RABGEF1: variants seen among roughly 807,000 people sequenced by gnomAD.
The protein encoded by RABGEF1 is RAB guanine nucleotide exchange factor 1, also known as rab5 GDP/GTP exchange factor.
Under a neutral mutation model 57.3 loss-of-function variants are expected in RABGEF1, and 26 were observed. The observed-to-expected ratio is 0.45, with a 90% CI of 0.33 to 0.63. The LOEUF (loss-of-function observed/expected upper bound fraction) is 0.63, where lower values mean the gene tolerates loss of function less well. Among genes scored for constraint, RABGEF1 ranks in the 20% least tolerant of loss-of-function variants. The probability of loss-of-function intolerance (pLI) is 0.02; values close to 1 mark genes in which losing one functional copy is unlikely to be tolerated. For synonymous variants in RABGEF1, 185 were observed against 210.7 expected (o/e 0.88, Z 1.06); for missense variants, 464 against 607.6 (o/e 0.76, Z 2.48).
chr7:66,729,912 C>T (rs531133383), intron 2 of RABGEF1, among the ~76,000 whole-genome samples: 2 of 152,344 alleles, frequency 1.3e-5, no homozygotes, highest in African/African-American at 2.4e-5. Context: ...CCAATGCCTG[C>T]GGATCTGTGG....
intron 4 of RABGEF1, among the ~76,000 whole-genome samples, chr7:66,785,233 T>G (rs1810882922): frequency 6.6e-6 from 1 of 152,240 alleles, no homozygotes; most frequent in Admixed American, 6.5e-5. Flanking sequence ...ATCACTAGTT[T>G]ATATCAGAGA....
At chr7:66,737,525 G>A (rs1181368107), upstream of RABGEF1, among the ~76,000 whole-genome samples, 2 of 151,990 alleles carry the variant, frequency 1.3e-5, no homozygotes, top group Non-Finnish European at 2.9e-5. Context: ...AAGGAGGCAT[G>A]GTGTGTAGCA....
At chr7:66,760,000 A>G (rs1803849184) in intron 1 of RABGEF1, among the ~76,000 whole-genome samples, 1 of 152,240 alleles carries the variant, frequency 6.6e-6, no homozygotes, top group Non-Finnish European at 1.5e-5. Flanking sequence ...GTGGTTCAGT[A>G]CCGTAACCAT....
chr7:66,742,449 G>A (rs182389828), intron 1 of RABGEF1, among the ~76,000 whole-genome samples: 44 of 152,270 alleles, frequency 2.9e-4, no homozygotes, highest in South Asian at 4.2e-4. Context: ...GGAAGGAGCC[G>A]GGCATTTAGG....
upstream of RABGEF1, among the ~76,000 whole-genome samples, chr7:66,680,960 A>G (rs192537807): frequency 1.3e-3 from 201 of 152,226 alleles, 1 homozygote; most frequent in African/African-American, 4.5e-3. Flanking sequence ...GCGGGCGCCT[A>G]TAATTCCGGC....
chr7:66,729,014 G>C lies in RABGEF1; in HGVS notation c.-814-10982G>C, dbSNP rs58347342. Among the ~76,000 whole-genome samples, 16 of 149,088 alleles carry C rather than the reference G, an allele frequency of 1.1e-4. 1 individual carries two copies. Among genetic ancestry groups the C allele is most frequent in the Admixed American group, 1.1e-3 (16 of 14,918 alleles). The stretch of plus-strand genomic sequence containing the variant: ...CACCCAGGCTGGAGTGCAGTGGCGC[G>C]ATCTCGACTCACTGCAACCTCTGCC... On this transcript the variant is annotated intron_variant and NMD_transcript_variant, in intron 2 of 9. Coordinates refer to the RABGEF1 transcript ENST00000607882.
Position 66,724,293 on chromosome 7 carries a change from A to G in RABGEF1, c.-815+12069A>G, listed in dbSNP as rs370945392. On this transcript the variant is annotated intron_variant and NMD_transcript_variant, in intron 2 of 9. Transcript: ENST00000607882. ...GGCTGCTTTTAAGATTTTTCTCTTT[A>G]TTTTTGGTATTCAGCAACTTGATTG... Among the ~76,000 whole-genome samples the G allele has an allele frequency of 7.3e-5, 11 of 151,232 alleles. No individual in the cohort carries two copies. The East Asian group carries it at 1.2e-3, about 16-fold the overall frequency.
intron 2 of RABGEF1, among the ~76,000 whole-genome samples, chr7:66,731,933 CCT>C (rs1170228913): frequency 1.3e-5 from 2 of 152,184 alleles, no homozygotes; most frequent in Admixed American, 6.5e-5. Context: ...ACAGAAGCCC[CCT>C]GTCTCCATCC....
At chr7:66,656,532 GTC>G in the RABGEF1 span, among the ~76,000 whole-genome samples, 2 of 152,114 alleles carry the variant, frequency 1.3e-5, no homozygotes, top group South Asian at 2.1e-4. Context: ...GTTAAAATGG[GTC>G]TCTCTGGCTG....
chr7:66,750,566 T>A (rs1801179688), intron 1 of RABGEF1, among the ~76,000 whole-genome samples: 1 of 152,226 alleles, frequency 6.6e-6, no homozygotes, highest in African/African-American at 2.4e-5. Flanking sequence ...AATACTTCTG[T>A]CTAGTAACTC....
intron 1 of RABGEF1, among the ~76,000 whole-genome samples, chr7:66,710,692 T>C (rs796610973): frequency 1.5e-4 from 23 of 152,382 alleles, no homozygotes; most frequent in African/African-American, 5.5e-4. Context: ...GAGAAATGTC[T>C]GTTTAATTTT....
intron 1 of RABGEF1, among the ~76,000 whole-genome samples, chr7:66,710,283 T>A (rs1181805962): frequency 6.6e-6 from 1 of 152,254 alleles, no homozygotes; most frequent in Non-Finnish European, 1.5e-5. Context: ...CCGTTCATCT[T>A]GTTGATGGAC....
At chr7:66,754,987 A>C (rs535394346) in intron 1 of RABGEF1, among the ~76,000 whole-genome samples, 20 of 152,084 alleles carry the variant, frequency 1.3e-4, no homozygotes, top group South Asian at 1.2e-3. Flanking sequence ...CCAGCCTGGG[A>C]AATATAGCTA....
At chr7:66,750,593 C>A (rs1216648692) in intron 1 of RABGEF1, among the ~76,000 whole-genome samples, 1 of 152,154 alleles carries the variant, frequency 6.6e-6, no homozygotes, top group Non-Finnish European at 1.5e-5. Context: ...TTAAAAGATA[C>A]ATATTTTTCT....
At chr7:66,749,439 A>G (rs1485908680) in intron 1 of RABGEF1, among the ~76,000 whole-genome samples, 1 of 152,248 alleles carries the variant, frequency 6.6e-6, no homozygotes, top group Non-Finnish European at 1.5e-5. Flanking sequence ...TTCCTCAAAA[A>G]GGAGTTGGGC....
chr7:66,694,598 G>A (rs965856837), intron 1 of RABGEF1, among the ~76,000 whole-genome samples: 3 of 152,258 alleles, frequency 2.0e-5, no homozygotes, highest in Non-Finnish European at 4.4e-5. Context: ...TGGAGAACCA[G>A]CTGGAGGGGC....
In RABGEF1 at chr7:66,722,833, G is replaced by A. The variant is rs74744540; in HGVS notation, c.-815+10609G>A. Among the ~76,000 whole-genome samples, 127 of 152,262 alleles carry A rather than the reference G, an allele frequency of 8.3e-4. 4 individuals carry two copies. In the East Asian group the frequency reaches 0.023, roughly 28 times the overall value. ...GTCACTTTCTACAACAGGCAGCTGA[G>A]ATTTTGATAAGGATTACACTGAATC... On this transcript the variant is annotated intron_variant and NMD_transcript_variant, in intron 2 of 9. Coordinates refer to the RABGEF1 transcript ENST00000607882.
At chr7:66,769,209 C>T (rs1806474918) in intron 1 of RABGEF1, among the ~76,000 whole-genome samples, 1 of 152,176 alleles carries the variant, frequency 6.6e-6, no homozygotes, top group Non-Finnish European at 1.5e-5. Flanking sequence ...CTGGTCTTCC[C>T]CACTTCTCCA....
chr7:66,694,935 G>T (rs990081133), intron 1 of RABGEF1, among the ~76,000 whole-genome samples: 2 of 152,166 alleles, frequency 1.3e-5, no homozygotes, highest in African/African-American at 4.8e-5. Context: ...GGACATGCTG[G>T]CCTGGAGCCC....
Sources: allele counts gnomAD v4.1 joint callset (sites outside exome capture counted in the v4.1 genomes callset), GRCh38; gene constraint gnomAD v4.1.1; transcripts MANE v1.5; gene names NCBI Gene and HGNC (gene_info 2026-07-23, HGNC 2026-07-21).